The following ROR1 variants were observed in gnomAD, a reference collection of about 807,000 sequenced individuals.
The protein encoded by ROR1 is inactive tyrosine-protein kinase transmembrane receptor ROR1.
A neutral mutation model predicts 78.8 loss-of-function variants in ROR1; 19 were observed. The observed-to-expected ratio is 0.24, with a 90% CI of 0.17 to 0.35. ROR1 has a LOEUF of 0.35. Among genes scored for constraint, ROR1 ranks in the 10% least tolerant of loss-of-function variants. The pLI is 1.00. For missense variants in ROR1, 917 were observed against 1,177.8 expected (o/e 0.78, Z 3.24); for synonymous variants, 386 against 433.6 (o/e 0.89, Z 1.36).
At chr1:63,787,438 T>TTTCCTTCCTTCCTTCCTTCCTTCC (rs72297365) in intron 1 of ROR1, among the ~76,000 whole-genome samples, 39 of 127,806 alleles carry the variant, frequency 3.1e-4, no homozygotes, top group African/African-American at 8.4e-4. Context: ...ATTGCCTTTC[T>TTTCCTTCCTTCCTTCCTTCCTTCC]TTCCTTCCTT....
chr1:64,054,611 T>G (rs955072436), intron 4 of ROR1, among the ~76,000 whole-genome samples: 1 of 152,210 alleles, frequency 6.6e-6, no homozygotes, highest in Non-Finnish European at 1.5e-5. Flanking sequence ...ATATGACAAA[T>G]AATCATTATT....
In ROR1 at chr1:63,850,666, T is replaced by C. The variant is rs114341604; in HGVS notation, c.91+76158T>C. ...TTTTTCCTTTTCCTCCTGTTCTAGC[T>C]GTATTGTTCTAGCTATATTATAGGG... On this transcript the variant is annotated intron_variant, in intron 1 of 8. Transcript: ENST00000371079. 5.6e-3 allele frequency among the ~76,000 whole-genome samples: 850 copies of C among 152,364 alleles called. 7 individuals carry two copies. The highest frequency in any genetic ancestry group is 0.019 in the African/African-American group (790 of 41,576).
chr1:64,136,758 G>C (rs1289915244), intron 4 of ROR1, among the ~76,000 whole-genome samples: 1 of 151,944 alleles, frequency 6.6e-6, no homozygotes, highest in Non-Finnish European at 1.5e-5. Context: ...ACTTTCCATG[G>C]ACATTTTCTC....
At chr1:64,104,064 G>A (rs762197991) in intron 4 of ROR1, among the ~76,000 whole-genome samples, 8 of 152,090 alleles carry the variant, frequency 5.3e-5, no homozygotes, top group Non-Finnish European at 1.0e-4. Context: ...AGCCCCAAAC[G>A]TCAATAGCGC....
At chr1:63,926,359 G>C (rs1166199054) in intron 1 of ROR1, among the ~76,000 whole-genome samples, 1 of 151,988 alleles carries the variant, frequency 6.6e-6, no homozygotes, top group African/African-American at 2.4e-5. Context: ...GCTCTGTTCT[G>C]TTCCATTGAT....
intron 1 of ROR1, among the ~76,000 whole-genome samples, chr1:63,886,703 T>C (rs578112837): frequency 6.6e-5 from 10 of 152,292 alleles, no homozygotes; most frequent in African/African-American, 2.2e-4. Flanking sequence ...AAAGTTTTTC[T>C]ACTAGAGCTC....
intron 1 of ROR1, among the ~76,000 whole-genome samples, chr1:63,781,171 A>G (rs1316094531): frequency 6.6e-6 from 1 of 152,194 alleles, no homozygotes; most frequent in Non-Finnish European, 1.5e-5. Context: ...CATTTATTAT[A>G]TATTTATCAC....
At chr1:64,024,596 C>T (rs17125989) in intron 2 of ROR1, among the ~76,000 whole-genome samples, 1,941 of 152,204 alleles carry the variant, frequency 0.013, 41 homozygotes, top group African/African-American at 0.045. Context: ...ATTATTCTAG[C>T]TTTGTGTTAT....
chr1:64,108,037 A>G (rs1397792472), intron 4 of ROR1, among the ~76,000 whole-genome samples: 2 of 148,296 alleles, frequency 1.3e-5, no homozygotes, highest in African/African-American at 5.0e-5. Flanking sequence ...TATTTTTAAC[A>G]TCTGGATTTT....
intron 4 of ROR1, among the ~76,000 whole-genome samples, chr1:64,101,769 G>A (rs1647556377): frequency 6.6e-6 from 1 of 152,214 alleles, no homozygotes; most frequent in South Asian, 2.1e-4. Flanking sequence ...TTTGGGCAAA[G>A]GCTTGAATGA....
chr1:63,860,562 T>TACACACACACACAC lies in ROR1; in HGVS notation c.91+86084_91+86097dup, dbSNP rs68153450. Among the ~76,000 whole-genome samples the TACACACACACACAC allele has an allele frequency of 3.5e-3, 447 of 126,594 alleles. 6 individuals carry two copies. Among genetic ancestry groups the TACACACACACACAC allele is most frequent in the Non-Finnish European group, 5.3e-3 (326 of 61,262 alleles). 83.1% of individuals were successfully genotyped at this position (126,594 alleles called of 152,430 possible). A position where few individuals can be genotyped will look rare whatever the true frequency, so the allele number is the denominator to read the frequency against. ...GGTAAAACCCCATCTCTACTAAAAA[T>TACACACACACACAC]ACACACACACACACACACACACACA... On this transcript the variant is annotated intron_variant, in intron 1 of 8. Transcript: ENST00000371079.
intron 4 of ROR1, among the ~76,000 whole-genome samples, chr1:64,119,572 GA>G (rs1324540644): frequency 4.0e-5 from 6 of 151,156 alleles, no homozygotes; most frequent in African/African-American, 1.5e-4. Context: ...CCAGGAGGTG[GA>G]GGTTGCAGTG....
chr1:63,778,844 A>C (rs1277577262), intron 1 of ROR1, among the ~76,000 whole-genome samples: 1 of 152,236 alleles, frequency 6.6e-6, no homozygotes, highest in Non-Finnish European at 1.5e-5. Flanking sequence ...TGGGCTTACA[A>C]GCCCTAACAG....
At position 64,179,505 on chromosome 1, in the gene ROR1, C is replaced by T. The variant is rs1478081872; in HGVS notation, c.*650C>T. On this transcript the variant is annotated 3_prime_UTR_variant, in exon 9 of 9. Transcript: ENST00000371079. ...GCCTTTTTGTGAATCCTCCTCTGAT[C>T]ATGAGGGTCTTTCCCACAGTTTCTC... 1.3e-5 allele frequency: 2 copies of T among 152,384 alleles called. No individual in the cohort carries two copies. The highest frequency in any genetic ancestry group is 2.4e-5 in the African/African-American group (1 of 41,442). The allele number at this position is 152,384 out of a possible 1,614,324, so 9.4% of individuals were successfully genotyped here. A position where few individuals can be genotyped will look rare whatever the true frequency, so the allele number is the denominator to read the frequency against.
chr1:63,893,713 A>G (rs1217957536), intron 1 of ROR1, among the ~76,000 whole-genome samples: 1 of 152,152 alleles, frequency 6.6e-6, no homozygotes, highest in East Asian at 1.9e-4. Flanking sequence ...TATCAAAAGT[A>G]TCGGTAATCT....
At chr1:64,015,905 A>C (rs1646517066) in intron 2 of ROR1, among the ~76,000 whole-genome samples, 2 of 152,170 alleles carry the variant, frequency 1.3e-5, no homozygotes, top group Admixed American at 6.5e-5. Context: ...AAAATAGAGG[A>C]GTGATATGTA....
intron 4 of ROR1, among the ~76,000 whole-genome samples, chr1:64,062,146 G>T (rs1208349583): frequency 6.6e-6 from 1 of 152,130 alleles, no homozygotes; most frequent in Non-Finnish European, 1.5e-5. Flanking sequence ...GCCTCCTGTT[G>T]AATAGAACAG....
At chr1:63,966,347 C>G (rs1053408664) in intron 1 of ROR1, among the ~76,000 whole-genome samples, 2 of 152,148 alleles carry the variant, frequency 1.3e-5, no homozygotes, top group African/African-American at 4.8e-5. Context: ...GGGCACATCC[C>G]AGCTCGGCAT....
intron 4 of ROR1, among the ~76,000 whole-genome samples, chr1:64,053,426 T>C (rs1646849288): frequency 6.6e-6 from 1 of 152,208 alleles, no homozygotes; most frequent in South Asian, 2.1e-4. Context: ...TATTTTAGTT[T>C]ACAGTAGGAA....
Sources: allele counts gnomAD v4.1 joint callset (sites outside exome capture counted in the v4.1 genomes callset), GRCh38; gene constraint gnomAD v4.1.1; transcripts MANE v1.5; gene names NCBI Gene and HGNC (gene_info 2026-07-23, HGNC 2026-07-21).